Variants in CACNG5 observed in about 807,000 individuals in gnomAD.
The protein encoded by CACNG5 is calcium voltage-gated channel auxiliary subunit gamma 5.
A neutral mutation model predicts 24.8 loss-of-function variants in CACNG5; 18 were observed. The ratio of observed to expected loss-of-function variants is 0.73; its 90% CI spans 0.50 to 1.08. The LOEUF (loss-of-function observed/expected upper bound fraction) is 1.08, where lower values mean the gene tolerates loss of function less well. Ranked by LOEUF, CACNG5 falls within the 50% of genes least tolerant of loss-of-function variation. The pLI is 0.00. For synonymous variants in CACNG5, 157 were observed against 149.1 expected, an observed-to-expected ratio of 1.05 and a Z score of -0.39; for missense variants, 349 against 367.9, an observed-to-expected ratio of 0.95 and a Z score of 0.42.
At chr17:66,871,346 A>G (rs2143098509) in intron 1 of CACNG5, among the ~76,000 whole-genome samples, 1 of 152,272 alleles carries the variant, frequency 6.6e-6, no homozygotes, top group South Asian at 2.1e-4. Flanking sequence ...GTTTTCTCTG[A>G]GCCAGTAGGA....
rs955704794 is a variant in CACNG5 at position 66,886,239 on chromosome 17, T to G, written c.*999T>G. Among the ~76,000 whole-genome samples, 1 of 152,142 alleles carries G rather than the reference T, an allele frequency of 6.6e-6. No homozygotes were observed. The highest frequency in any genetic ancestry group is 1.5e-5 in the Non-Finnish European group (1 of 68,012). ...GGCTGCCTGGGAGTGGGAGCTGGAT[T>G]TGAGGACACCTGGTGCAGCTTGAGT... On this transcript the variant is annotated 3_prime_UTR_variant, in exon 6 of 6. Transcript: ENST00000533854.
chr17:66,882,737 A>G (rs1383125053), intron 4 of CACNG5, among the ~76,000 whole-genome samples: 1 of 152,112 alleles, frequency 6.6e-6, no homozygotes, highest in Non-Finnish European at 1.5e-5. Flanking sequence ...TGAATAATTG[A>G]TAGATGGATG....
chr17:66,857,149 C>A (rs1387483462), intron 1 of CACNG5, among the ~76,000 whole-genome samples: 2 of 150,242 alleles, frequency 1.3e-5, no homozygotes, highest in Non-Finnish European at 3.0e-5. Context: ...CTCCTCCTCC[C>A]CGTGGCTCAA....
chr17:66,844,649 T>C (rs1403905305), intron 1 of CACNG5, among the ~76,000 whole-genome samples: 1 of 151,942 alleles, frequency 6.6e-6, no homozygotes, highest in African/African-American at 2.4e-5. Context: ...GTATCAGTGG[T>C]CTCGGCCCCA....
rs71160595 is a variant in CACNG5, at chr17:66,838,960, C to CTTTTTTTTTTTTTTTTTTTTT, written c.-104+3729_-104+3730insTTTTTTTTTTTTTTTTTTTTT. Among the ~76,000 whole-genome samples the CTTTTTTTTTTTTTTTTTTTTT allele has an allele frequency of 9.1e-5, 8 of 88,094 alleles. 2 individuals carry two copies. The highest frequency in any genetic ancestry group is 1.5e-4 in the Non-Finnish European group (7 of 47,306). 57.8% of individuals were successfully genotyped at this position (88,094 alleles called of 152,430 possible). A position where few individuals can be genotyped will look rare whatever the true frequency, so the allele number is the denominator to read the frequency against. ...GTAGCACCCCAGTCCCTCACCCATTCTTTTTTTTTTTTTTTTTTTGAGACA... is the reference window on the plus strand; with the variant it reads ...GTAGCACCCCAGTCCCTCACCCATTCTTTTTTTTTTTTTTTTTTTTTTTTTTTTTTTTTTTTTTTTGAGACA... On this transcript the variant is annotated intron_variant, in intron 1 of 5. Coordinates refer to ENST00000533854, the MANE Select transcript of CACNG5 (RefSeq NM_145811.3).
intron 1 of CACNG5, among the ~76,000 whole-genome samples, chr17:66,869,232 T>C (rs1195056643): frequency 6.6e-6 from 1 of 152,068 alleles, no homozygotes; most frequent in Non-Finnish European, 1.5e-5. Flanking sequence ...TACAGGTGTG[T>C]GCCATCACGC....
intron 1 of CACNG5, among the ~76,000 whole-genome samples, chr17:66,853,778 C>G (rs1568064407): frequency 6.6e-6 from 1 of 151,784 alleles, no homozygotes. Context: ...AAAACAAAAC[C>G]TCTTTGCAAA....
chr17:66,839,078 C>T (rs1350345052), intron 1 of CACNG5, among the ~76,000 whole-genome samples: 1 of 151,618 alleles, frequency 6.6e-6, no homozygotes, highest in Non-Finnish European at 1.5e-5. Flanking sequence ...CCTCCTGCCT[C>T]AGCCTCCTGA....
At position 66,852,889 on chromosome 17, in the gene CACNG5, CTCTTTCTCTCTTCTCTCTCT is replaced by C. The variant is rs1270581470; in HGVS notation, c.-104+17656_-104+17675del. ...TTCCTCTCTCTTTCTCTCTCTTTTT[CTCTTTCTCTCTTCTCTCTCT>C]TCTTTCTCTCTTCTCTTTCTCTCTT... On this transcript the variant is annotated intron_variant, in intron 1 of 5. Coordinates refer to ENST00000533854, the MANE Select transcript of CACNG5 (RefSeq NM_145811.3). Among the ~76,000 whole-genome samples, 3 of 135,078 alleles carry C rather than the reference CTCTTTCTCTCTTCTCTCTCT, an allele frequency of 2.2e-5. No individual in the cohort carries two copies. The East Asian group carries it at 7.8e-4, about 35-fold the overall frequency. 88.6% of individuals were successfully genotyped at this position (135,078 alleles called of 152,430 possible).
chr17:66,848,496 A>T (rs1230647985), intron 1 of CACNG5, among the ~76,000 whole-genome samples: 1 of 152,192 alleles, frequency 6.6e-6, no homozygotes, highest in Non-Finnish European at 1.5e-5. Context: ...ATTCCCTACC[A>T]CATCCCTGAA....
At chr17:66,842,940 G>A (rs1198457798) in intron 1 of CACNG5, among the ~76,000 whole-genome samples, 4 of 152,336 alleles carry the variant, frequency 2.6e-5, no homozygotes, top group East Asian at 1.9e-4. Context: ...TGGCCTATGA[G>A]TTGGCTGAGT....
chr17:66,873,936 G>GTT (rs4021785), intron 1 of CACNG5, among the ~76,000 whole-genome samples: 1 of 144,522 alleles, frequency 6.9e-6, no homozygotes, highest in Non-Finnish European at 1.5e-5. Context: ...CTCACAAGCT[G>GTT]TTTTTTTTTT....
In CACNG5 at chr17:66,885,244, T is replaced by A; in HGVS notation, c.*4T>A. ...GATGTCCTCTTCACCCTGCTGAGCC[T>A]CGGCCGCCCCCATCCCTGGACTGTG... On this transcript the variant is annotated 3_prime_UTR_variant, in exon 6 of 6. Coordinates refer to ENST00000533854, the MANE Select transcript of CACNG5 (RefSeq NM_145811.3). 6.4e-7 allele frequency: 1 copy of A among 1,570,790 alleles called. No individual in the cohort carries two copies. The highest frequency in any genetic ancestry group is 8.6e-7 in the Non-Finnish European group (1 of 1,164,144).
At chr17:66,851,360 A>G (rs1431308458) in intron 1 of CACNG5, among the ~76,000 whole-genome samples, 4 of 152,242 alleles carry the variant, frequency 2.6e-5, no homozygotes, top group Admixed American at 6.5e-5. Flanking sequence ...CAGAGTACAT[A>G]GGATTCCCAT....
intron 1 of CACNG5, among the ~76,000 whole-genome samples, chr17:66,862,892 C>CTGTGTGTGTGTGTGTGTG (rs56308917): frequency 7.0e-5 from 10 of 142,170 alleles, no homozygotes; most frequent in African/African-American, 2.7e-4. Context: ...AGCATATTCT[C>CTGTGTGTGTGTGTGTGTG]TGTGTGTGTG....
In CACNG5 at chr17:66,885,324, G is replaced by A. The variant is rs901715948; in HGVS notation, c.*84G>A. 1.0e-5 allele frequency: 15 copies of A among 1,478,334 alleles called. No individual in the cohort carries two copies. The highest frequency in any genetic ancestry group is 2.5e-4 in the Middle Eastern group (1 of 4,002). The allele number at this position is 1,478,334 out of a possible 1,614,324, so 91.6% of individuals were successfully genotyped here. A position where few individuals can be genotyped will look rare whatever the true frequency, so the allele number is the denominator to read the frequency against. ...CAGGTGACCCCTGAGCCCCAGGCCTGTGGTTGACAGGCCCAGGCCACCCAT... is the reference window on the plus strand; with the variant it reads ...CAGGTGACCCCTGAGCCCCAGGCCTATGGTTGACAGGCCCAGGCCACCCAT... On this transcript the variant is annotated 3_prime_UTR_variant, in exon 6 of 6. Transcript: ENST00000533854.
intron 3 of CACNG5, 80 bp from the exon 4 acceptor site, chr17:66,880,477 C>T: frequency 6.4e-7 from 1 of 1,568,066 alleles, no homozygotes; most frequent in Non-Finnish European, 8.7e-7. Context: ...GTAGACACTG[C>T]CAGGAACACT....
chr17:66,851,450 T>G (rs1328118746), intron 1 of CACNG5, among the ~76,000 whole-genome samples: 1 of 152,226 alleles, frequency 6.6e-6, no homozygotes, highest in Non-Finnish European at 1.5e-5. Flanking sequence ...GGTTTAACCT[T>G]GAGGCAACTT....
intron 5 of CACNG5, 34 bp downstream of exon 5, chr17:66,884,695 G>A (rs768098985): frequency 1.2e-6 from 2 of 1,614,188 alleles, no homozygotes; most frequent in South Asian, 2.2e-5. Flanking sequence ...GGATAGGCTG[G>A]GCCTGGGCAC....
Sources: gnomAD v4.1 joint callset for allele counts (sites outside exome capture counted in the v4.1 genomes callset) on GRCh38, gnomAD v4.1.1 for gene constraint, MANE v1.5 for transcripts, NCBI Gene and HGNC (gene_info 2026-07-23, HGNC 2026-07-21) for gene names.